Variants in VEPH1 observed in about 807,000 individuals in gnomAD.
VEPH1 encodes ventricular zone-expressed PH domain-containing protein homolog 1.
VEPH1 carries 80 observed loss-of-function variants against 85.2 expected under a neutral mutation model. That is an observed-to-expected ratio of 0.94 (90% CI 0.78 to 1.13). The LOEUF (loss-of-function observed/expected upper bound fraction) is 1.13, where lower values mean the gene tolerates loss of function less well. Among genes scored for constraint, VEPH1 ranks in the 50% most tolerant of loss-of-function variants. VEPH1 has a pLI of 0.00. For missense variants in VEPH1, 955 were observed against 980.5 expected (o/e 0.97, Z 0.35); for synonymous variants, 297 against 348.0 (o/e 0.85, Z 1.63).
At chr3:157,355,459 C>T (rs539628499) in intron 9 of VEPH1, among the ~76,000 whole-genome samples, 16 of 152,324 alleles carry the variant, frequency 1.1e-4, no homozygotes, top group African/African-American at 3.8e-4. Flanking sequence ...GACCAGGGAA[C>T]TCTAGGGGTG....
chr3:157,296,233 A>C (rs1718114618), intron 11 of VEPH1, among the ~76,000 whole-genome samples: 1 of 152,236 alleles, frequency 6.6e-6, no homozygotes, highest in Non-Finnish European at 1.5e-5. Flanking sequence ...ATCTGATGCA[A>C]ATATGGAAGA....
chr3:157,425,135 C>G (rs996280668), intron 5 of VEPH1, among the ~76,000 whole-genome samples: 2 of 152,208 alleles, frequency 1.3e-5, no homozygotes, highest in Non-Finnish European at 2.9e-5. Context: ...AAGTACAGCT[C>G]GGGCCATGAC....
chr3:157,429,407 T>C (rs1232908874), intron 4 of VEPH1, among the ~76,000 whole-genome samples: 2 of 152,150 alleles, frequency 1.3e-5, no homozygotes, highest in African/African-American at 4.8e-5. Flanking sequence ...TGCCTATATA[T>C]AAAAGACAAT....
At chr3:157,407,229 A>T (rs189876362) in intron 6 of VEPH1, among the ~76,000 whole-genome samples, 69 of 152,164 alleles carry the variant, frequency 4.5e-4, no homozygotes, top group South Asian at 2.3e-3. Context: ...GTTTGGGTTT[A>T]ACTTAAACCA....
chr3:157,393,772 G>A (rs1370096942), intron 6 of VEPH1, among the ~76,000 whole-genome samples: 1 of 152,066 alleles, frequency 6.6e-6, no homozygotes, highest in African/African-American at 2.4e-5. Context: ...CCAATATCAG[G>A]TTTTAAAAGC....
At chr3:157,305,397 A>G (rs1318106921) in intron 11 of VEPH1, among the ~76,000 whole-genome samples, 1 of 152,094 alleles carries the variant, frequency 6.6e-6, no homozygotes, top group Non-Finnish European at 1.5e-5. Context: ...GGCGTGAGCC[A>G]CCGCGCCCGG....
At chr3:157,275,113 T>C (rs1715214012) in intron 12 of VEPH1, among the ~76,000 whole-genome samples, 1 of 152,214 alleles carries the variant, frequency 6.6e-6, no homozygotes, top group Non-Finnish European at 1.5e-5. Context: ...ACTCATACTG[T>C]GTGCTTTTTG....
intron 2 of VEPH1, among the ~76,000 whole-genome samples, chr3:157,480,484 A>G (rs898243442): frequency 3.6e-4 from 54 of 152,034 alleles, no homozygotes; most frequent in Admixed American, 3.5e-3. Context: ...TCCAGTGTCT[A>G]TTGTTCCCAT....
At chr3:157,427,883 A>C (rs764495960) in intron 5 of VEPH1, among the ~76,000 whole-genome samples, 1 of 152,226 alleles carries the variant, frequency 6.6e-6, no homozygotes, top group Non-Finnish European at 1.5e-5. Flanking sequence ...GGGTAGACTG[A>C]ATAAAGCAGA....
At chr3:157,311,121 G>C (rs1720064976) in intron 11 of VEPH1, among the ~76,000 whole-genome samples, 1 of 152,148 alleles carries the variant, frequency 6.6e-6, no homozygotes, top group South Asian at 2.1e-4. Context: ...CAACACAATG[G>C]TCAATACAGC....
chr3:157,349,313 C>T (rs1307230605), intron 9 of VEPH1, among the ~76,000 whole-genome samples: 2 of 152,160 alleles, frequency 1.3e-5, no homozygotes, highest in Non-Finnish European at 2.9e-5. Flanking sequence ...GCAGGAAAAA[C>T]ATTTGAGAAA....
chr3:157,427,653 C>T (rs1207690917), intron 5 of VEPH1, among the ~76,000 whole-genome samples: 1 of 151,996 alleles, frequency 6.6e-6, no homozygotes, highest in East Asian at 1.9e-4. Flanking sequence ...CAGAGTTTCA[C>T]CATGTTGTCC....
chr3:157,376,614 C>T (rs1728143442), intron 7 of VEPH1, among the ~76,000 whole-genome samples: 1 of 152,200 alleles, frequency 6.6e-6, no homozygotes, highest in Non-Finnish European at 1.5e-5. Context: ...TTATTATTTA[C>T]ATATAAACAT....
At chr3:157,444,696 A>G (rs1734409117) in intron 4 of VEPH1, among the ~76,000 whole-genome samples, 1 of 152,256 alleles carries the variant, frequency 6.6e-6, no homozygotes, top group Non-Finnish European at 1.5e-5. Context: ...CACGAATTAT[A>G]CATGTTTAAG....
chr3:157,285,946 G>A (rs1716715304), intron 12 of VEPH1, among the ~76,000 whole-genome samples: 1 of 152,188 alleles, frequency 6.6e-6, no homozygotes, highest in South Asian at 2.1e-4. Flanking sequence ...GTATTGCAAG[G>A]ACTGATTAAA....
chr3:157,265,532 TC>T lies in VEPH1; in HGVS notation c.2258del (p.Gly753GlufsTer12), dbSNP rs1475534425. ...LAGNQLLFQKGKSKDDPDDCP... is the reference protein window; with the variant it reads ...LAGNQLLFQKXKSKDDPDDCP... ...AGATGATGGAGGAACTTACAGACTT[TC>T]CTTTTTGAAACAGAAGTTGATTTCC... On this transcript the variant is annotated frameshift_variant, in exon 13 of 14. Transcript: ENST00000362010. LOFTEE classifies it high-confidence loss of function. The T allele has an allele frequency of 1.9e-6, 3 of 1,612,416 alleles. No individual in the cohort carries two copies. The Admixed American group carries it at 5.0e-5, about 27-fold the overall frequency.
At chr3:157,377,153 A>C (rs1422822113) in intron 7 of VEPH1, among the ~76,000 whole-genome samples, 1 of 152,182 alleles carries the variant, frequency 6.6e-6, no homozygotes, top group East Asian at 1.9e-4. Context: ...GATTAGAAGA[A>C]GATTGACAGC....
rs375159737 is a variant in VEPH1, at chr3:157,406,205, T to A, written c.906+7676A>T. Among the ~76,000 whole-genome samples, 7 of 152,278 alleles carry A rather than the reference T, an allele frequency of 4.6e-5. No homozygotes were observed. In the South Asian group the frequency reaches 6.2e-4, roughly 14 times the overall value. The stretch of plus-strand genomic sequence containing the variant: ...ACCAACCAAGGTTTAAGAAAATGTA[T>A]CCCCAAAGTCATTGAACCTACCAAT... On this transcript the variant is annotated intron_variant, in intron 6 of 13. Transcript: ENST00000362010.
At chr3:157,431,015 C>T (rs905950246) in intron 4 of VEPH1, among the ~76,000 whole-genome samples, 1 of 152,156 alleles carries the variant, frequency 6.6e-6, no homozygotes, top group Non-Finnish European at 1.5e-5. Context: ...GTGTCCCCAC[C>T]TAAATCTCAT....
Sources: gnomAD v4.1 joint callset for allele counts (sites outside exome capture counted in the v4.1 genomes callset) on GRCh38, gnomAD v4.1.1 for gene constraint, MANE v1.5 for transcripts, NCBI Gene and HGNC (gene_info 2026-07-23, HGNC 2026-07-21) for gene names.